The following SH3RF3 variants were observed in gnomAD, a reference collection of about 807,000 sequenced individuals.
SH3RF3 encodes E3 ubiquitin-protein ligase SH3RF3.
SH3RF3 carries 29 observed loss-of-function variants against 66.3 expected under a neutral mutation model. That is an observed-to-expected ratio of 0.44 (90% confidence interval 0.33 to 0.60). The LOEUF (loss-of-function observed/expected upper bound fraction) is 0.60. Among genes scored for constraint, SH3RF3 ranks in the 20% least tolerant of loss-of-function variants. The pLI is 0.04. For synonymous variants in SH3RF3, 583 were observed against 532.0 expected, an observed-to-expected ratio of 1.10 and a Z score of -1.32; for missense variants, 1,194 against 1,190.9, an observed-to-expected ratio of 1.00 and a Z score of -0.04.
chr2:109,373,261 C>T (rs1414026833), intron 3 of SH3RF3, among the ~76,000 whole-genome samples: 2 of 152,220 alleles, frequency 1.3e-5, no homozygotes, highest in Non-Finnish European at 2.9e-5. Flanking sequence ...CTTACAATGT[C>T]GTCCAGAAGT....
chr2:109,315,618 A>G (rs1009530696), intron 1 of SH3RF3, among the ~76,000 whole-genome samples: 1 of 152,234 alleles, frequency 6.6e-6, no homozygotes, highest in African/African-American at 2.4e-5. Context: ...ATGCACAAGG[A>G]CGTGTGTGTC....
At position 109,382,851 on chromosome 2, in the gene SH3RF3, G is replaced by T. The variant is rs937603720; in HGVS notation, c.945+11170G>T. On this transcript the variant is annotated intron_variant, in intron 3 of 9. Transcript: ENST00000309415. ...CTAGTGCAGAGACATTTGGCTGTTG[G>T]ATTATGAACCCTGCCCCAATCTGAC... 2.6e-5 allele frequency among the ~76,000 whole-genome samples: 4 copies of T among 152,298 alleles called. No homozygotes were observed. The South Asian group carries it at 6.2e-4, about 24-fold the overall frequency.
At chr2:109,489,654 C>T (rs1679075307) in intron 8 of SH3RF3, among the ~76,000 whole-genome samples, 1 of 150,764 alleles carries the variant, frequency 6.6e-6, no homozygotes, top group Non-Finnish European at 1.5e-5. Flanking sequence ...ACTGGCCTGC[C>T]CTGGGGGCCT....
intron 4 of SH3RF3, among the ~76,000 whole-genome samples, chr2:109,407,168 C>T (rs1178759411): frequency 6.9e-6 from 1 of 143,914 alleles, no homozygotes; most frequent in African/African-American, 2.4e-5. Flanking sequence ...CAGCCAGGAC[C>T]AGCACCTTCA....
In SH3RF3 at chr2:109,501,954, G is replaced by A. The variant is rs966968635; in HGVS notation, c.*283G>A. On this transcript the variant is annotated 3_prime_UTR_variant, in exon 10 of 10. Transcript: ENST00000309415. Reference sequence around the variant, plus strand: ...TTGAGGAAGAGAGGCAGGTGCCGGCGCAGGCAGGCCTGTGGCTGTGGTTTG... The same window carrying A: ...TTGAGGAAGAGAGGCAGGTGCCGGCACAGGCAGGCCTGTGGCTGTGGTTTG... 7 of 391,598 alleles carry A rather than the reference G, an allele frequency of 1.8e-5. No individual in the cohort carries two copies. Among genetic ancestry groups the A allele is most frequent in the Admixed American group, 3.7e-5 (1 of 27,158 alleles). The allele number at this position is 391,598 out of a possible 1,614,324, so 24.3% of individuals were successfully genotyped here.
intron 1 of SH3RF3, among the ~76,000 whole-genome samples, chr2:109,306,489 T>A (rs1305761816): frequency 6.6e-6 from 1 of 152,092 alleles, no homozygotes; most frequent in African/African-American, 2.4e-5. Context: ...GCAGGTGCCA[T>A]GGAGGGGCAG....
In SH3RF3 at chr2:109,398,641, G is replaced by A. The variant is rs746617748; in HGVS notation, c.997G>A (p.Ala333Thr). The change falls in exon 4 of 10, where the codon GCT (alanine) becomes ACT (threonine). Residue 333 changes from alanine (A) to threonine (T), a missense_variant. Ala to Thr is a moderately conservative substitution (Grantham distance 58, BLOSUM62 0). Coordinates refer to ENST00000309415, the MANE Select transcript of SH3RF3 (RefSeq NM_001099289.3). ...LIEMDKPCPAAASSCNASLPS... is the reference protein window; with the variant it reads ...LIEMDKPCPATASSCNASLPS... ...TGAGATGGACAAGCCATGCCCAGCC[G>A]CTGCATCCAGCTGCAATGCCTCCCT... 8.8e-6 allele frequency: 14 copies of A among 1,599,180 alleles called. No homozygotes were observed. The highest frequency in any genetic ancestry group is 6.9e-5 in the Admixed American group (4 of 58,282).
intron 1 of SH3RF3, among the ~76,000 whole-genome samples, chr2:109,337,662 A>C (rs971235995): frequency 1.3e-5 from 2 of 150,962 alleles, no homozygotes; most frequent in African/African-American, 4.9e-5. Flanking sequence ...TGGCTGTGCC[A>C]TATGCTATCA....
intron 1 of SH3RF3, among the ~76,000 whole-genome samples, chr2:109,184,529 C>T (rs142959627): frequency 2.0e-4 from 31 of 152,248 alleles, no homozygotes; most frequent in Middle Eastern, 3.4e-3. Context: ...TAGAGCTGGG[C>T]TGGGAGGCTG....
intron 2 of SH3RF3, among the ~76,000 whole-genome samples, chr2:109,362,783 GTCT>G (rs2105636771): frequency 6.6e-6 from 1 of 152,246 alleles, no homozygotes; most frequent in African/African-American, 2.4e-5. Context: ...GGATTATTAT[GTCT>G]TCTTGGGGAA....
At chr2:109,228,611 G>A (rs749285595) in intron 1 of SH3RF3, among the ~76,000 whole-genome samples, 1 of 152,086 alleles carries the variant, frequency 6.6e-6, no homozygotes, top group African/African-American at 2.4e-5. Context: ...AGTTGCAAGA[G>A]GTGTCTTCAG....
intron 1 of SH3RF3, among the ~76,000 whole-genome samples, chr2:109,170,112 G>A (rs1677725452): frequency 6.6e-6 from 1 of 152,076 alleles, no homozygotes; most frequent in Non-Finnish European, 1.5e-5. Flanking sequence ...GTTTCCTTAG[G>A]CTATGAAGGT....
chr2:109,352,071 G>A (rs1344616973), intron 2 of SH3RF3, among the ~76,000 whole-genome samples: 1 of 152,198 alleles, frequency 6.6e-6, no homozygotes, highest in East Asian at 1.9e-4. Flanking sequence ...ATAATGCATG[G>A]TGACTCGAAC....
At chr2:109,264,638 G>A (rs1305227065) in intron 1 of SH3RF3, among the ~76,000 whole-genome samples, 1 of 152,248 alleles carries the variant, frequency 6.6e-6, no homozygotes, top group Non-Finnish European at 1.5e-5. Context: ...TCTAGGTGGT[G>A]GTGAATTTTA....
intron 5 of SH3RF3, among the ~76,000 whole-genome samples, chr2:109,431,227 G>A (rs993632901): frequency 6.6e-6 from 1 of 152,196 alleles, no homozygotes; most frequent in African/African-American, 2.4e-5. Context: ...ACAAGCCGCT[G>A]GATAGGGTCA....
intron 1 of SH3RF3, among the ~76,000 whole-genome samples, chr2:109,265,320 G>A (rs1024148074): frequency 2.0e-5 from 3 of 152,190 alleles, no homozygotes; most frequent in Non-Finnish European, 2.9e-5. Flanking sequence ...GGTGAGATGC[G>A]GAAAACAAGC....
chr2:109,449,697 G>A (rs1677811282), intron 8 of SH3RF3, among the ~76,000 whole-genome samples: 1 of 152,230 alleles, frequency 6.6e-6, no homozygotes, highest in South Asian at 2.1e-4. Flanking sequence ...CTTGGGTGCT[G>A]GCAGGGCCAT....
intron 1 of SH3RF3, among the ~76,000 whole-genome samples, chr2:109,267,623 C>T (rs1050419163): frequency 2.6e-4 from 40 of 152,204 alleles, no homozygotes; most frequent in Admixed American, 2.0e-3. Context: ...GAGGGAGGGC[C>T]GGGAGCCAGG....
At chr2:109,380,435 TTG>T (rs892869542) in intron 3 of SH3RF3, among the ~76,000 whole-genome samples, 1 of 152,134 alleles carries the variant, frequency 6.6e-6, no homozygotes, top group African/African-American at 2.4e-5. Flanking sequence ...TGTTATTGGG[TTG>T]TGGTTCAGTG....
Sources: allele counts gnomAD v4.1 joint callset (sites outside exome capture counted in the v4.1 genomes callset), GRCh38; gene constraint gnomAD v4.1.1; transcripts MANE v1.5; gene names NCBI Gene and HGNC (gene_info 2026-07-23, HGNC 2026-07-21).